SCN9A: variants seen among roughly 807,000 people sequenced by gnomAD.
The protein encoded by SCN9A is sodium channel protein type 9 subunit alpha.
A neutral mutation model predicts 187.0 loss-of-function variants in SCN9A; 131 were observed. The observed-to-expected ratio is 0.70, with a 90% confidence interval of 0.61 to 0.81. SCN9A has a LOEUF of 0.81. Among genes scored for constraint, SCN9A ranks in the 30% least tolerant of loss-of-function variants. SCN9A has a pLI of 0.00. For missense variants in SCN9A, 2,252 were observed against 2,396.6 expected (o/e 0.94, Z 1.26); for synonymous variants, 809 against 808.6 (o/e 1.00, Z -0.01).
intron 1 of SCN9A, among the ~76,000 whole-genome samples, 180 bp from the exon 2 acceptor site, chr2:166,311,986 G>A (rs896467490): frequency 3.9e-5 from 6 of 152,056 alleles, no homozygotes; most frequent in Admixed American, 3.3e-4. Flanking sequence ...CTTATCTTTC[G>A]TGCCTTCTAA....
intron 1 of SCN9A, among the ~76,000 whole-genome samples, chr2:166,333,073 T>A (rs1699545629): frequency 6.6e-6 from 1 of 151,836 alleles, no homozygotes; most frequent in Admixed American, 6.6e-5. Flanking sequence ...ATTGTAAGAA[T>A]GCTATAATAT....
chr2:166,236,720 G>A (rs961331927), intron 20 of SCN9A, among the ~76,000 whole-genome samples: 2 of 152,158 alleles, frequency 1.3e-5, no homozygotes, highest in East Asian at 3.9e-4. Context: ...ACCGCGCCTG[G>A]CCAGAAGCCA....
chr2:166,223,804 A>C (rs1245715940), intron 24 of SCN9A, among the ~76,000 whole-genome samples: 1 of 152,192 alleles, frequency 6.6e-6, no homozygotes, highest in Non-Finnish European at 1.5e-5. Context: ...TTTTCTTTGG[A>C]ATAAATGAGT....
chr2:166,295,912 T>G (rs1698280796), intron 7 of SCN9A: 1 of 152,208 alleles, frequency 6.6e-6, no homozygotes, highest in Non-Finnish European at 1.5e-5. Context: ...TTCCTAAGAC[T>G]GGGGGCAGAT....
intron 1 of SCN9A, among the ~76,000 whole-genome samples, chr2:166,369,731 A>C (rs1700503538): frequency 6.6e-6 from 1 of 152,230 alleles, no homozygotes; most frequent in Non-Finnish European, 1.5e-5. Flanking sequence ...TCCTATTCAA[A>C]ATGTCCTCAA....
At chr2:166,349,443 G>T (rs1460266634) in intron 1 of SCN9A, among the ~76,000 whole-genome samples, 1 of 152,144 alleles carries the variant, frequency 6.6e-6, no homozygotes, top group East Asian at 1.9e-4. Flanking sequence ...TTTCTAAATA[G>T]TCTCATTTTA....
chr2:166,242,581 T>G lies in SCN9A; in HGVS notation c.3548A>C (p.Lys1183Thr), dbSNP rs557603605. ...GKGKIWWNIR[K>T]TCYKIVEHSW... ...GTGTTCAACAATCTTGTAGCAGGTTTTCCTGATGTTCCACCAGATTTTTCC... is the reference window on the plus strand; with the variant it reads ...GTGTTCAACAATCTTGTAGCAGGTTGTCCTGATGTTCCACCAGATTTTTCC... Residue 1183 changes from lysine to threonine, a missense_variant, in exon 19 of 27, where the codon AAA (lysine) becomes ACA (threonine). Physicochemically the swap from Lys to Thr is moderately conservative, Grantham distance 78. Transcript: ENST00000642356. The G allele has an allele frequency of 5.7e-6, 9 of 1,568,606 alleles. No homozygotes were observed. The African/African-American group carries it at 1.2e-4, about 21-fold the overall frequency.
chr2:166,276,883 G>T, intron 16 of SCN9A, 100 bp downstream of exon 16: 1 of 878,302 alleles, frequency 1.1e-6, no homozygotes, highest in Admixed American at 3.7e-5. Flanking sequence ...ATTAATAATT[G>T]TAGATATAAT....
intron 18 of SCN9A, among the ~76,000 whole-genome samples, chr2:166,248,666 T>C (rs1344221679): frequency 6.6e-6 from 1 of 152,112 alleles, no homozygotes; most frequent in Non-Finnish European, 1.5e-5. Flanking sequence ...TGTCATTTGT[T>C]TTATTTGTTT....
chr2:166,199,930 C>A (rs12618615), intron 26 of SCN9A, 66 bp from the exon 27 acceptor site: 30 of 1,033,760 alleles, frequency 2.9e-5, no homozygotes, highest in South Asian at 8.0e-5. Flanking sequence ...AATGATGACT[C>A]TAAACAGTTT....
chr2:166,251,298 T>G (rs1178529733), intron 18 of SCN9A, among the ~76,000 whole-genome samples: 1 of 151,964 alleles, frequency 6.6e-6, no homozygotes, highest in Non-Finnish European at 1.5e-5. Context: ...AACTCAGAAC[T>G]CTAAGACAAA....
chr2:166,222,953 A>AC (rs1574748181), intron 24 of SCN9A, among the ~76,000 whole-genome samples: 10 of 121,816 alleles, frequency 8.2e-5, no homozygotes, highest in South Asian at 4.6e-4. Context: ...AACAAAAAAA[A>AC]AAAAAAAAAA....
rs10930215 is a variant in SCN9A, at chr2:166,278,068, T to C, written c.2517+72A>G. ...TTTTGATTCAAATTCCCAAAAGTTT[T>C]TAAAAATAATGCAAAACCAAAGAAA... On this transcript the variant is annotated intron_variant, in intron 15 of 26. Coordinates refer to ENST00000642356, the MANE Select transcript of SCN9A (RefSeq NM_001365536.1). 0.083 allele frequency: 108,111 copies of C among 1,298,778 alleles called. 5,351 individuals carry two copies. Among genetic ancestry groups the C allele is most frequent in the Admixed American group, 0.2 (7,920 of 38,832 alleles). The allele number at this position is 1,298,778 out of a possible 1,614,324, so 80.5% of individuals were successfully genotyped here. A position where few individuals can be genotyped will look rare whatever the true frequency, so the allele number is the denominator to read the frequency against.
chr2:166,316,036 C>A (rs1272749469), intron 1 of SCN9A, among the ~76,000 whole-genome samples: 1 of 151,672 alleles, frequency 6.6e-6, no homozygotes, highest in African/African-American at 2.4e-5. Flanking sequence ...AAGGCAAAAT[C>A]GAAAAAGATA....
intron 1 of SCN9A, among the ~76,000 whole-genome samples, chr2:166,340,178 T>C (rs1699729352): frequency 6.6e-6 from 1 of 152,174 alleles, no homozygotes; most frequent in Non-Finnish European, 1.5e-5. Flanking sequence ...GGGAAGAATG[T>C]ACTCAGAAAT....
intron 1 of SCN9A, among the ~76,000 whole-genome samples, chr2:166,352,343 G>A (rs909027866): frequency 6.6e-6 from 1 of 152,058 alleles, no homozygotes; most frequent in Admixed American, 6.6e-5. Context: ...CAGAAATAAA[G>A]CATTATACAA....
intron 12 of SCN9A, among the ~76,000 whole-genome samples, chr2:166,282,764 A>G (rs1248816957): frequency 6.6e-6 from 1 of 152,180 alleles, no homozygotes; most frequent in Non-Finnish European, 1.5e-5. Flanking sequence ...AGATATGTGC[A>G]TGGGTGTATT....
chr2:166,228,477 T>G (rs1694939466), intron 22 of SCN9A, among the ~76,000 whole-genome samples: 1 of 152,036 alleles, frequency 6.6e-6, no homozygotes, highest in South Asian at 2.1e-4. Context: ...CAGACTGGTC[T>G]CGAACTCCTG....
chr2:166,284,388 CAG>C, intron 12 of SCN9A, 63 bp downstream of exon 12: 2 of 1,538,920 alleles, frequency 1.3e-6, no homozygotes, highest in Non-Finnish European at 1.8e-6. Context: ...GGCCCTTCAG[CAG>C]AGAGACTGAC....
Sources: allele counts gnomAD v4.1 joint callset (sites outside exome capture counted in the v4.1 genomes callset), GRCh38; gene constraint gnomAD v4.1.1; transcripts MANE v1.5; gene names NCBI Gene and HGNC (gene_info 2026-07-23, HGNC 2026-07-21).